TTC4: variants seen among roughly 807,000 people sequenced by gnomAD.
TTC4 encodes the protein tetratricopeptide repeat domain 4, also known as hsp70/Hsp90 co-chaperone CNS1 homolog.
In TTC4, 36 loss-of-function variants were observed where a neutral mutation model predicts 51.9. The observed-to-expected ratio is 0.69, with a 90% CI of 0.53 to 0.92. The LOEUF (loss-of-function observed/expected upper bound fraction) is 0.92. Ranked by LOEUF, TTC4 falls within the 40% of genes least tolerant of loss-of-function variation. The probability of loss-of-function intolerance (pLI) is 0.00; values close to 1 mark genes in which losing one functional copy is unlikely to be tolerated. For synonymous variants in TTC4, 144 were observed against 164.2 expected (o/e 0.88, Z 0.94); for missense variants, 399 against 454.6 (o/e 0.88, Z 1.11).
chr1:54,725,243 G>C (rs80075165), intron 5 of TTC4, among the ~76,000 whole-genome samples: 372 of 152,258 alleles, frequency 2.4e-3, no homozygotes, highest in African/African-American at 8.6e-3. Flanking sequence ...CCAGAAAATA[G>C]GGGGAATGAA....
chr1:54,731,501 C>G lies in TTC4; in HGVS notation c.697C>G (p.Leu233Val). 1 of 1,613,912 alleles carries G rather than the reference C, an allele frequency of 6.2e-7. No homozygotes were observed. The highest frequency in any genetic ancestry group is 8.5e-7 in the Non-Finnish European group (1 of 1,179,842). Residue 233 changes from leucine (L) to valine (V), a missense_variant, in exon 7 of 10, where the codon CTC becomes GTC. Leu to Val is a conservative substitution (Grantham distance 32, BLOSUM62 1). This residue lies in a region of TTC4 where 316 missense variants were observed against 349.6 expected (regional missense o/e 0.90). Coordinates refer to ENST00000371281, the MANE Select transcript of TTC4 (RefSeq NM_004623.5). ...LQAIKARNIRLSEAACEDEDS... is the reference protein window; with the variant it reads ...LQAIKARNIRVSEAACEDEDS... ...TTTAACCCAGGCTAGGAATATCAGG[C>G]TCTCAGAAGCTGCCTGTGAGGATGA...
At chr1:54,737,550 C>G in intron 8 of TTC4, 32 bp from the exon 9 acceptor site, 1 of 1,608,530 alleles carries the variant, frequency 6.2e-7, no homozygotes, top group African/African-American at 1.3e-5. Flanking sequence ...AAGCCTTTAT[C>G]TCTGACTCTT....
intron 6 of TTC4, among the ~76,000 whole-genome samples, chr1:54,729,806 C>A (rs753611887): frequency 2.5e-4 from 38 of 151,924 alleles, no homozygotes; most frequent in Non-Finnish European, 4.9e-4. Context: ...TCACTGCAGC[C>A]TCCACTTCCT....
At chr1:54,716,540 G>A (rs1290994892) in intron 1 of TTC4, 60 bp from the exon 2 acceptor site, 3 of 1,355,424 alleles carry the variant, frequency 2.2e-6, no homozygotes, top group African/African-American at 1.5e-5. Context: ...AATGAGTCAT[G>A]GAATTGGATC....
intron 2 of TTC4, 43 bp downstream of exon 2, chr1:54,716,760 C>A: frequency 6.6e-7 from 1 of 1,520,520 alleles, no homozygotes; most frequent in Non-Finnish European, 9.0e-7. Context: ...TTCCATTGAA[C>A]TGAAATTAAG....
intron 6 of TTC4, among the ~76,000 whole-genome samples, chr1:54,730,353 T>C (rs1645850592): frequency 6.6e-6 from 1 of 150,830 alleles, no homozygotes; most frequent in Non-Finnish European, 1.5e-5. Context: ...TAAGAGTTAC[T>C]CTCAACAGTA....
intron 8 of TTC4, 37 bp downstream of exon 8, chr1:54,733,747 ATTTTTTTTTTTTTT>A (rs371403281): frequency 7.3e-5 from 58 of 799,134 alleles, no homozygotes; most frequent in Middle Eastern, 4.2e-4. Flanking sequence ...TATGGAATTA[ATTTTTTTTTTTTTT>A]TTTTTTTTTT....
intron 6 of TTC4, among the ~76,000 whole-genome samples, chr1:54,728,962 A>T (rs1337478962): frequency 1.3e-5 from 2 of 152,096 alleles, no homozygotes; most frequent in East Asian, 3.9e-4. Context: ...TTTTCTTCTA[A>T]TTAAGTTGAG....
intron 1 of TTC4, chr1:54,716,236 C>T: frequency 1.7e-6 from 1 of 573,800 alleles, no homozygotes; most frequent in Non-Finnish European, 3.1e-6. Flanking sequence ...CACCACTTAA[C>T]TGGCTCTGAT....
chr1:54,732,108 G>A (rs1249013972), intron 7 of TTC4, among the ~76,000 whole-genome samples: 1 of 152,038 alleles, frequency 6.6e-6, no homozygotes, highest in Non-Finnish European at 1.5e-5. Context: ...GAGTCAGGCA[G>A]ATTACTTGAG....
intron 4 of TTC4, among the ~76,000 whole-genome samples, chr1:54,721,511 T>A (rs1182354085): frequency 6.6e-6 from 1 of 152,226 alleles, no homozygotes; most frequent in African/African-American, 2.4e-5. Flanking sequence ...TGATTTTTTT[T>A]CCAAATTAGC....
rs2101285968 is a variant in TTC4, at chr1:54,716,479, TAC to T, written c.112-119_112-118del. 4 of 729,290 alleles carry T rather than the reference TAC, an allele frequency of 5.5e-6. No individual in the cohort carries two copies. In the East Asian group the frequency reaches 9.9e-5, roughly 18 times the overall value. 45.2% of individuals were successfully genotyped at this position (729,290 alleles called of 1,614,324 possible). ...GAAGGGAAGCGGAGGCCTGAATGGA[TAC>T]AGCTAGCTGTGATGATTTGCAAATC... On this transcript the variant is annotated intron_variant, in intron 1 of 9. Coordinates refer to ENST00000371281, the MANE Select transcript of TTC4 (RefSeq NM_004623.5).
intron 5 of TTC4, among the ~76,000 whole-genome samples, chr1:54,723,145 C>A (rs1557744325): frequency 6.6e-6 from 1 of 152,192 alleles, no homozygotes; most frequent in South Asian, 2.1e-4. Context: ...CAGATACTTA[C>A]CATTGTGTTA....
chr1:54,721,028 A>G (rs914942063), intron 3 of TTC4, 135 bp from the exon 4 acceptor site: 4 of 774,254 alleles, frequency 5.2e-6, no homozygotes, highest in Non-Finnish European at 6.1e-6. Context: ...GTACAACCAT[A>G]TTTTTTCAAA....
At chr1:54,735,575 C>A (rs191760593) in intron 8 of TTC4, among the ~76,000 whole-genome samples, 1 of 152,146 alleles carries the variant, frequency 6.6e-6, no homozygotes, top group South Asian at 2.1e-4. Flanking sequence ...ATTCTCATTG[C>A]ACCTATCAGA....
intron 7 of TTC4, among the ~76,000 whole-genome samples, chr1:54,732,320 C>CAAAA (rs1180940323): frequency 5.9e-5 from 1 of 16,912 alleles, no homozygotes; most frequent in African/African-American, 2.9e-4. Flanking sequence ...GACTCTGTCT[C>CAAAA]AAAAAAAAAA....
intron 9 of TTC4, 107 bp from the exon 10 acceptor site, chr1:54,741,304 A>C: frequency 1.1e-6 from 1 of 938,908 alleles, no homozygotes; most frequent in South Asian, 1.3e-5. Context: ...TTGCATTTTC[A>C]TGTTGACTCC....
At chr1:54,737,908 C>CTT (rs368498132) in intron 9 of TTC4, among the ~76,000 whole-genome samples, 2 of 151,298 alleles carry the variant, frequency 1.3e-5, no homozygotes, top group African/African-American at 2.4e-5. Context: ...GGAAAACTCC[C>CTT]TTTTTTTTTG....
At chr1:54,725,654 C>T (rs1329351663) in intron 5 of TTC4, among the ~76,000 whole-genome samples, 1 of 152,124 alleles carries the variant, frequency 6.6e-6, no homozygotes, top group African/African-American at 2.4e-5. Flanking sequence ...GTGGGACTTA[C>T]TAGACAAAGA....
Sources: gnomAD v4.1 joint callset for allele counts (sites outside exome capture counted in the v4.1 genomes callset) on GRCh38, gnomAD v4.1.1 for gene constraint, gnomAD v4.1.1 regional missense constraint, MANE v1.5 for transcripts, NCBI Gene and HGNC (gene_info 2026-07-23, HGNC 2026-07-21) for gene names.